FTO: variants seen among roughly 807,000 people sequenced by gnomAD.
FTO encodes the protein FTO alpha-ketoglutarate dependent dioxygenase.
A neutral mutation model predicts 63.9 loss-of-function variants in FTO; 47 were observed. That is an observed-to-expected ratio of 0.74 (90% CI 0.58 to 0.94). The LOEUF (loss-of-function observed/expected upper bound fraction) is 0.94. Among genes scored for constraint, FTO ranks in the 40% least tolerant of loss-of-function variants. The pLI is 0.00. For missense variants in FTO, 562 were observed against 618.1 expected (o/e 0.91, Z 0.96); for synonymous variants, 207 against 224.4 (o/e 0.92, Z 0.69).
At chr16:53,938,968 G>A (rs1206471570) in intron 8 of FTO, among the ~76,000 whole-genome samples, 1 of 151,974 alleles carries the variant, frequency 6.6e-6, no homozygotes, top group East Asian at 1.9e-4. Flanking sequence ...CTTGGTGGCG[G>A]GTGCCTGTAG....
chr16:53,792,032 C>A (rs1288462694), intron 1 of FTO, among the ~76,000 whole-genome samples: 1 of 150,454 alleles, frequency 6.6e-6, no homozygotes, highest in African/African-American at 2.4e-5. Flanking sequence ...GCCGAGATTG[C>A]GCCACTGCAC....
At chr16:53,870,239 A>T (rs916905104) in intron 4 of FTO, among the ~76,000 whole-genome samples, 5 of 152,106 alleles carry the variant, frequency 3.3e-5, no homozygotes, top group African/African-American at 1.2e-4. Context: ...AAATAAATAA[A>T]GTCGCTATTT....
chr16:54,063,372 G>A (rs1354182118), intron 8 of FTO, among the ~76,000 whole-genome samples: 1 of 152,196 alleles, frequency 6.6e-6, no homozygotes, highest in Non-Finnish European at 1.5e-5. Context: ...GTCAATGAAA[G>A]AAATTCCAAG....
intron 1 of FTO, among the ~76,000 whole-genome samples, chr16:53,714,019 T>C (rs1202080522): frequency 6.6e-6 from 1 of 152,214 alleles, no homozygotes; most frequent in Admixed American, 6.5e-5. Context: ...GTTTTGGAAA[T>C]GACCTGCTTA....
At chr16:54,001,461 A>G (rs1235614097) in intron 8 of FTO, among the ~76,000 whole-genome samples, 1 of 152,136 alleles carries the variant, frequency 6.6e-6, no homozygotes, top group African/African-American at 2.4e-5. Flanking sequence ...TAAGGAAACT[A>G]CTTCCTTTGG....
intron 7 of FTO, among the ~76,000 whole-genome samples, chr16:53,909,183 G>T (rs186164076): frequency 6.6e-6 from 1 of 152,208 alleles, no homozygotes; most frequent in Admixed American, 6.5e-5. Flanking sequence ...CTACCAGCGG[G>T]GCTCAAAGTC....
At chr16:53,828,620 T>C (rs1296725894) in intron 3 of FTO, among the ~76,000 whole-genome samples, 1 of 152,166 alleles carries the variant, frequency 6.6e-6, no homozygotes, top group Non-Finnish European at 1.5e-5. Context: ...TTATAAGCAT[T>C]TTACATGCAT....
intron 4 of FTO, among the ~76,000 whole-genome samples, chr16:53,866,742 A>G (rs777282953): frequency 6.6e-6 from 1 of 152,008 alleles, no homozygotes; most frequent in Non-Finnish European, 1.5e-5. Context: ...GACATTAGTA[A>G]TATGTTTCTT....
chr16:53,765,417 TG>T (rs1334603794), intron 1 of FTO, among the ~76,000 whole-genome samples: 4 of 150,692 alleles, frequency 2.7e-5, no homozygotes, highest in African/African-American at 9.8e-5. Context: ...TAGCTGGGGG[TG>T]GTGGCAGGTG....
intron 7 of FTO, among the ~76,000 whole-genome samples, chr16:53,918,111 G>C (rs2151951258): frequency 6.6e-6 from 1 of 152,210 alleles, no homozygotes; most frequent in Non-Finnish European, 1.5e-5. Flanking sequence ...TTATATCTTT[G>C]TTCCTACAGG....
intron 7 of FTO, among the ~76,000 whole-genome samples, chr16:53,917,476 G>A (rs73611647): frequency 0.021 from 3,126 of 152,204 alleles, 102 homozygotes; most frequent in African/African-American, 0.07. Flanking sequence ...TTAAATTGGG[G>A]TTACATGAAA....
chr16:53,804,966 C>A (rs1392862148), intron 1 of FTO, among the ~76,000 whole-genome samples: 1 of 152,088 alleles, frequency 6.6e-6, no homozygotes, highest in East Asian at 1.9e-4. Flanking sequence ...GCCCACCAAG[C>A]ACCCTGCTTA....
At chr16:53,737,855 A>G (rs1021229988) in intron 1 of FTO, among the ~76,000 whole-genome samples, 2 of 152,148 alleles carry the variant, frequency 1.3e-5, no homozygotes, top group African/African-American at 4.8e-5. Flanking sequence ...ACATCATATA[A>G]ATGGAATCAT....
At chr16:53,806,590 G>T (rs2078374459) in intron 1 of FTO, among the ~76,000 whole-genome samples, 1 of 152,150 alleles carries the variant, frequency 6.6e-6, no homozygotes, top group Non-Finnish European at 1.5e-5. Flanking sequence ...TCATGTGGAT[G>T]TCCTGTAGTT....
At chr16:53,769,769 G>C (rs919198508) in intron 1 of FTO, among the ~76,000 whole-genome samples, 67 of 152,104 alleles carry the variant, frequency 4.4e-4, no homozygotes, top group African/African-American at 1.6e-3. Context: ...TGCATTTCTT[G>C]TTTATGTAAC....
At chr16:53,712,644 C>G (rs1567919395) in intron 1 of FTO, among the ~76,000 whole-genome samples, 1 of 152,046 alleles carries the variant, frequency 6.6e-6, no homozygotes, top group Non-Finnish European at 1.5e-5. Flanking sequence ...ATTAGCCATT[C>G]AAAAAAACTC....
At chr16:53,804,423 TGAAA>T (rs1567308908) in intron 1 of FTO, among the ~76,000 whole-genome samples, 2 of 152,162 alleles carry the variant, frequency 1.3e-5, no homozygotes, top group Non-Finnish European at 2.9e-5. Flanking sequence ...ATCGAGGAAG[TGAAA>T]GAGTCTCCAT....
intron 8 of FTO, among the ~76,000 whole-genome samples, chr16:54,051,349 G>A (rs1599276412): frequency 6.6e-6 from 1 of 152,206 alleles, no homozygotes; most frequent in Admixed American, 6.5e-5. Flanking sequence ...TTATGGGTTG[G>A]CAACCCAATA....
At chr16:53,874,005 T>C in intron 5 of FTO, 140 bp downstream of exon 5, 1 of 684,044 alleles carries the variant, frequency 1.5e-6, no homozygotes, top group Non-Finnish European at 2.7e-6. Context: ...TCTGTTTACT[T>C]GCTTTTTGAG....
Sources: gnomAD v4.1 joint callset for allele counts (sites outside exome capture counted in the v4.1 genomes callset) on GRCh38, gnomAD v4.1.1 for gene constraint, MANE v1.5 for transcripts, NCBI Gene and HGNC (gene_info 2026-07-23, HGNC 2026-07-21) for gene names.